ARHGAP6: variants seen among roughly 807,000 people sequenced by gnomAD.
ARHGAP6 encodes rho GTPase-activating protein 6.
In ARHGAP6, 16 loss-of-function variants were observed where a neutral mutation model predicts 55.7. The observed-to-expected ratio is 0.29, with a 90% confidence interval of 0.19 to 0.44. The LOEUF (loss-of-function observed/expected upper bound fraction) is 0.44. ARHGAP6 is among the 20% of genes least tolerant of loss of function. The pLI is 1.00. For missense variants in ARHGAP6, 698 were observed against 808.9 expected (o/e 0.86, Z 1.66); for synonymous variants, 382 against 360.9 (o/e 1.06, Z -0.66).
intron 1 of ARHGAP6, among the ~76,000 whole-genome samples, chrX:11,422,704 G>T (rs766113430): frequency 1.8e-5 from 2 of 112,260 alleles, no homozygotes; most frequent in African/African-American, 3.2e-5. Flanking sequence ...GTGGTCCAGG[G>T]TTATCACAAT....
At chrX:11,212,924 T>G (rs1318800873) in intron 2 of ARHGAP6, among the ~76,000 whole-genome samples, 1 of 112,964 alleles carries the variant, frequency 8.9e-6, no homozygotes, top group Non-Finnish European at 1.9e-5. Context: ...CTGCCCGTGC[T>G]CCTCGCTGAT....
intron 1 of ARHGAP6, among the ~76,000 whole-genome samples, chrX:11,325,008 G>A (rs777215598): frequency 1.3e-4 from 14 of 110,838 alleles, no homozygotes; most frequent in Middle Eastern, 4.7e-3. Flanking sequence ...ACAGGCGCCC[G>A]CCACCGCGCC....
chrX:11,590,930 A>AAAAGT (rs2051821805), intron 1 of ARHGAP6, among the ~76,000 whole-genome samples: 1 of 101,020 alleles, frequency 9.9e-6, no homozygotes, highest in Non-Finnish European at 2.0e-5. Flanking sequence ...AAAAGAAAAG[A>AAAAGT]TAAGTTAAGT....
intron 1 of ARHGAP6, among the ~76,000 whole-genome samples, chrX:11,521,753 T>C (rs2050930375): frequency 9.0e-6 from 1 of 110,726 alleles, no homozygotes; most frequent in Non-Finnish European, 1.9e-5. Context: ...TTGGGCAGTA[T>C]GGCCATTTTC....
intron 1 of ARHGAP6, among the ~76,000 whole-genome samples, chrX:11,623,492 C>A (rs1324568067): frequency 9.2e-6 from 1 of 109,139 alleles, no homozygotes; most frequent in African/African-American, 3.3e-5. Flanking sequence ...GAGATCGAGA[C>A]CATCCTGGCC....
rs749229282 is a variant in ARHGAP6 at position 11,144,169 on chromosome X, T to C, written c.1987A>G (p.Ser663Gly). The C allele has an allele frequency of 1.7e-6, 2 of 1,210,535 alleles. No individual in the cohort carries two copies. The highest frequency in any genetic ancestry group is 3.0e-5 in the East Asian group (1 of 33,753). Reference sequence around the variant, plus strand: ...TTGTCATAAGGGGAGATGTCTCCGCTGGAGGCCTTGTTGGAGTCTGTAGAT... The same window carrying C: ...TTGTCATAAGGGGAGATGTCTCCGCCGGAGGCCTTGTTGGAGTCTGTAGAT... ...HSSTDSNKAS[S>G]GDISPYDNNS... Residue 663 changes from serine (S) to glycine (G), a missense_variant, in exon 11 of 13, where the codon AGC becomes GGC. Around this residue, in one of 3 missense-constraint regions of ARHGAP6, gnomAD observed 322 missense variants for 451.1 expected, o/e 0.71. Coordinates refer to ENST00000337414, the MANE Select transcript of ARHGAP6 (RefSeq NM_013427.3).
chrX:11,659,574 A>C (rs773065469), intron 1 of ARHGAP6, among the ~76,000 whole-genome samples: 1 of 111,981 alleles, frequency 8.9e-6, no homozygotes, highest in African/African-American at 3.3e-5. Flanking sequence ...TAGCAAAGGG[A>C]ACTTAAGGTT....
intron 1 of ARHGAP6, among the ~76,000 whole-genome samples, chrX:11,658,743 C>A (rs2147206086): frequency 9.5e-6 from 1 of 105,159 alleles, no homozygotes; most frequent in South Asian, 4.5e-4. Context: ...AGAGTAAAGC[C>A]ACAAGCATGA....
intron 1 of ARHGAP6, among the ~76,000 whole-genome samples, chrX:11,652,585 G>C (rs1259551122): frequency 2.7e-5 from 3 of 112,238 alleles, no homozygotes; most frequent in Non-Finnish European, 5.6e-5. Context: ...TTGATGCTCA[G>C]AAAGCAAGCT....
At chrX:11,509,048 A>G (rs1458771953) in intron 1 of ARHGAP6, among the ~76,000 whole-genome samples, 2 of 111,869 alleles carry the variant, frequency 1.8e-5, no homozygotes, top group African/African-American at 6.5e-5. Context: ...GAGTTTGGGT[A>G]CTAAGTTATG....
chrX:11,597,780 A>G (rs889221644), intron 1 of ARHGAP6, among the ~76,000 whole-genome samples: 3 of 111,707 alleles, frequency 2.7e-5, no homozygotes, highest in Admixed American at 1.9e-4. Context: ...GCCATGAGAC[A>G]TATTCAAGAA....
chrX:11,324,345 T>C lies in ARHGAP6; in HGVS notation c.589-69638A>G, dbSNP rs772755792. Among the ~76,000 whole-genome samples the C allele has an allele frequency of 1.3e-4, 15 of 111,955 alleles. No individual in the cohort carries two copies. In the East Asian group the frequency reaches 4.2e-3, roughly 32 times the overall value. Reference sequence around the variant, plus strand: ...AAGAGCAAAGGTCATGGCAACAGCGTTTTGGGATGCTCAAGGCATTTTGTT... The same window carrying C: ...AAGAGCAAAGGTCATGGCAACAGCGCTTTGGGATGCTCAAGGCATTTTGTT... On this transcript the variant is annotated intron_variant, in intron 1 of 12. Transcript: ENST00000337414.
At chrX:11,375,447 TATCCTAGGTAATTTAGATCA>T (rs2049189920) in intron 1 of ARHGAP6, among the ~76,000 whole-genome samples, 1 of 112,580 alleles carries the variant, frequency 8.9e-6, no homozygotes, top group South Asian at 3.7e-4. Context: ...GAACTTCATC[TATCCTAGGTAATTTAGATCA>T]CTCCAAATTC....
chrX:11,280,463 G>T (rs1284764466), intron 1 of ARHGAP6, among the ~76,000 whole-genome samples: 1 of 111,902 alleles, frequency 8.9e-6, no homozygotes, highest in Non-Finnish European at 1.9e-5. Flanking sequence ...GAAGATTCTG[G>T]TTTTTGTTAG....
At chrX:11,603,392 A>T (rs2051999858) in intron 1 of ARHGAP6, among the ~76,000 whole-genome samples, 1 of 112,158 alleles carries the variant, frequency 8.9e-6, no homozygotes. Context: ...GCTTTTTCAC[A>T]CAAAACAAGG....
chrX:11,588,206 A>G (rs1482864655), intron 1 of ARHGAP6, among the ~76,000 whole-genome samples: 2 of 111,676 alleles, frequency 1.8e-5, no homozygotes, highest in African/African-American at 6.5e-5. Flanking sequence ...CTGATGCAAC[A>G]TTTTGAAAAG....
intron 1 of ARHGAP6, among the ~76,000 whole-genome samples, chrX:11,635,658 AT>A (rs1244168786): frequency 9.0e-6 from 1 of 111,386 alleles, no homozygotes; most frequent in Non-Finnish European, 1.9e-5. Context: ...CTTGATTCTT[AT>A]CCCTTTCTAC....
At chrX:11,174,561 C>CTTTTT (rs2046146854) in intron 8 of ARHGAP6, among the ~76,000 whole-genome samples, 1 of 75,179 alleles carries the variant, frequency 1.3e-5, no homozygotes, top group African/African-American at 5.5e-5. Flanking sequence ...TTCCTTCCTT[C>CTTTTT]CTTCCTTCCT....
At chrX:11,497,431 G>A (rs1053811376) in intron 1 of ARHGAP6, among the ~76,000 whole-genome samples, 8 of 110,664 alleles carry the variant, frequency 7.2e-5, no homozygotes, top group Non-Finnish European at 5.7e-5. Context: ...GTGAAGGCAA[G>A]GTCTTTGGAA....
Sources: gnomAD v4.1 joint callset for allele counts (sites outside exome capture counted in the v4.1 genomes callset) on GRCh38, gnomAD v4.1.1 for gene constraint, gnomAD v4.1.1 regional missense constraint, MANE v1.5 for transcripts, NCBI Gene and HGNC (gene_info 2026-07-23, HGNC 2026-07-21) for gene names.